Variants in NEDD4L observed in about 807,000 individuals in gnomAD.
NEDD4L encodes NEDD4 like E3 ubiquitin protein ligase, also known as E3 ubiquitin-protein ligase NEDD4-like.
NEDD4L carries 54 observed loss-of-function variants against 148.9 expected under a neutral mutation model. The observed-to-expected ratio is 0.36, with a 90% CI of 0.29 to 0.45. The LOEUF (loss-of-function observed/expected upper bound fraction) is 0.45, where lower values mean the gene tolerates loss of function less well. NEDD4L is among the 20% of genes least tolerant of loss of function. NEDD4L has a pLI of 1.00. For missense variants in NEDD4L, 856 were observed against 1,233.8 expected (o/e 0.69, Z 4.59); for synonymous variants, 433 against 440.7 (o/e 0.98, Z 0.22).
At chr18:58,196,684 G>A (rs895128812) in intron 2 of NEDD4L, among the ~76,000 whole-genome samples, 2 of 147,954 alleles carry the variant, frequency 1.4e-5, no homozygotes, top group Admixed American at 1.3e-4. Context: ...GGATATTGGG[G>A]CTCTACTTTT....
At chr18:58,171,630 G>C (rs1194848668) in intron 2 of NEDD4L, among the ~76,000 whole-genome samples, 1 of 152,262 alleles carries the variant, frequency 6.6e-6, no homozygotes, top group African/African-American at 2.4e-5. Context: ...AAACTGCCTT[G>C]AATTCATTGA....
intron 2 of NEDD4L, among the ~76,000 whole-genome samples, chr18:58,186,793 C>G (rs925061969): frequency 2.6e-5 from 4 of 152,206 alleles, no homozygotes; most frequent in Non-Finnish European, 5.9e-5. Flanking sequence ...ACGCCAGTCA[C>G]CTGGTATGCT....
intron 5 of NEDD4L, among the ~76,000 whole-genome samples, chr18:58,263,331 CT>C (rs2049728148): frequency 1.3e-5 from 2 of 152,222 alleles, no homozygotes; most frequent in South Asian, 4.2e-4. Context: ...TTTACACAGC[CT>C]TCTTTTGTGA....
At chr18:58,085,033 A>G (rs1411374979) in intron 1 of NEDD4L, among the ~76,000 whole-genome samples, 1 of 152,092 alleles carries the variant, frequency 6.6e-6, no homozygotes, top group Non-Finnish European at 1.5e-5. Flanking sequence ...CTAGTGTCTC[A>G]TTGCGTGTCC....
At position 58,389,500 on chromosome 18, in the gene NEDD4L, G is replaced by A. The variant is rs550746347; in HGVS notation, c.2655+308G>A. 3 of 236,574 alleles carry A rather than the reference G, an allele frequency of 1.3e-5. No homozygotes were observed. In the Admixed American group the frequency reaches 1.6e-4, roughly 13 times the overall value. 14.7% of individuals were successfully genotyped at this position (236,574 alleles called of 1,614,324 possible). On this transcript the variant is annotated intron_variant, in intron 28 of 30. Transcript: ENST00000400345. ...TCCTCCAATGCGTAAATAGAAATGG[G>A]GGGCTTCTCAGGGCAGAAACAGGCT...
chr18:58,345,259 G>A (rs991028680), intron 16 of NEDD4L, among the ~76,000 whole-genome samples: 5 of 152,146 alleles, frequency 3.3e-5, no homozygotes, highest in African/African-American at 7.2e-5. Context: ...CTGCGCTATC[G>A]CTTCTAAACA....
At chr18:58,341,828 A>T (rs375928498) in intron 15 of NEDD4L, 31 bp downstream of exon 15, 27 of 1,600,818 alleles carry the variant, frequency 1.7e-5, no homozygotes, top group Non-Finnish European at 2.3e-5. Flanking sequence ...AACTGGACTC[A>T]CTCTGTCCTG....
chr18:58,328,111 C>T (rs749253862), intron 9 of NEDD4L, among the ~76,000 whole-genome samples: 3 of 152,014 alleles, frequency 2.0e-5, no homozygotes, highest in Admixed American at 6.6e-5. Context: ...ACTACAGGCA[C>T]GCATCACCAC....
At chr18:58,353,518 A>G (rs934372522) in intron 18 of NEDD4L, among the ~76,000 whole-genome samples, 1 of 152,230 alleles carries the variant, frequency 6.6e-6, no homozygotes, top group Non-Finnish European at 1.5e-5. Flanking sequence ...CTACGTTTCT[A>G]CCATCGCTCC....
chr18:58,318,906 A>G (rs985622212), intron 6 of NEDD4L, among the ~76,000 whole-genome samples: 1 of 152,096 alleles, frequency 6.6e-6, no homozygotes, highest in Admixed American at 6.5e-5. Context: ...TAAAACATTA[A>G]GTTTTCCTAA....
intron 5 of NEDD4L, among the ~76,000 whole-genome samples, chr18:58,295,840 G>A (rs796761974): frequency 2.2e-4 from 34 of 152,254 alleles, no homozygotes; most frequent in African/African-American, 7.9e-4. Context: ...ATTCCTGGCA[G>A]ATAGAGATTT....
chr18:58,255,378 G>T, intron 5 of NEDD4L: 1 of 503,208 alleles, frequency 2.0e-6, no homozygotes, highest in Non-Finnish European at 3.0e-6. Context: ...GGCATTGGAG[G>T]GGGAGAGCGC....
intron 9 of NEDD4L, among the ~76,000 whole-genome samples, chr18:58,327,104 A>G (rs1264505446): frequency 6.6e-6 from 1 of 152,162 alleles, no homozygotes; most frequent in Non-Finnish European, 1.5e-5. Flanking sequence ...GGAAAAATGC[A>G]GTTCTTTTTC....
rs77439390 is a variant in NEDD4L at position 58,294,347 on chromosome 18, T to C, written c.298-21635T>C. ...TTTTGGTATCCATGTGTTTTTAGAG[T>C]AAGTTGTAGCTAGGGTGGTGGGGTG... On this transcript the variant is annotated intron_variant, in intron 5 of 30. Coordinates refer to ENST00000400345, the MANE Select transcript of NEDD4L (RefSeq NM_001144967.3). Among the ~76,000 whole-genome samples, 1,179 of 152,178 alleles carry C rather than the reference T, an allele frequency of 7.7e-3. 13 individuals carry two copies. The highest frequency in any genetic ancestry group is 0.027 in the African/African-American group (1,109 of 41,498).
intron 3 of NEDD4L, among the ~76,000 whole-genome samples, chr18:58,248,267 G>GT (rs2047515241): frequency 6.6e-6 from 1 of 152,162 alleles, no homozygotes; most frequent in Non-Finnish European, 1.5e-5. Context: ...CCATCTCCTT[G>GT]TGAGATGTAC....
intron 5 of NEDD4L, among the ~76,000 whole-genome samples, chr18:58,297,093 A>C (rs1432765419): frequency 6.6e-6 from 1 of 152,154 alleles, no homozygotes; most frequent in Admixed American, 6.5e-5. Flanking sequence ...TCTCAAAATA[A>C]ATAAATAAAT....
At chr18:58,144,505 C>G (rs2146201708) in intron 1 of NEDD4L, among the ~76,000 whole-genome samples, 2 of 152,266 alleles carry the variant, frequency 1.3e-5, no homozygotes, top group Admixed American at 1.3e-4. Flanking sequence ...TTATTGTCAA[C>G]ATGAGATTTC....
chr18:58,149,586 T>TG, intron 1 of NEDD4L: 1 of 1,482,264 alleles, frequency 6.7e-7, no homozygotes, highest in South Asian at 1.2e-5. Flanking sequence ...CTTTGCTTGG[T>TG]GGGGGAGGAG....
chr18:58,164,028 C>A (rs2036544195), intron 1 of NEDD4L, among the ~76,000 whole-genome samples: 1 of 151,056 alleles, frequency 6.6e-6, no homozygotes, highest in Non-Finnish European at 1.5e-5. Context: ...GGGACTCCAT[C>A]CTGAGCCTTT....
Sources: gnomAD v4.1 joint callset for allele counts (sites outside exome capture counted in the v4.1 genomes callset) on GRCh38, gnomAD v4.1.1 for gene constraint, MANE v1.5 for transcripts, NCBI Gene and HGNC (gene_info 2026-07-23, HGNC 2026-07-21) for gene names.